The following KIAA0930 variants were observed in gnomAD, a reference collection of about 807,000 sequenced individuals.
The protein encoded by KIAA0930 is KIAA0930.
A neutral mutation model predicts 43.9 loss-of-function variants in KIAA0930; 24 were observed. The ratio of observed to expected loss-of-function variants is 0.55; its 90% CI spans 0.40 to 0.77. KIAA0930 has a LOEUF of 0.77. Ranked by LOEUF, KIAA0930 falls within the 30% of genes least tolerant of loss-of-function variation. The pLI, the probability that KIAA0930 is intolerant of heterozygous loss-of-function variation, is 0.00. For missense variants in KIAA0930, 461 were observed against 574.2 expected (o/e 0.80, Z 2.02); for synonymous variants, 259 against 216.4 (o/e 1.20, Z -1.73).
rs769465989 is a variant in KIAA0930, at chr22:45,200,015, G to A, written c.873C>T (p.Pro291=). ...GCCGGTTGTTCCGTTCTGGGGTGGG[G>A]GGTGTGCTGAAGGAGGTCACCTGGG... The part of the protein sequence containing the change: ...MHERVTSFST[P]PTPERNNRPA... Residue 291 remains proline, a synonymous_variant, in exon 8 of 10, where the codon CCC becomes CCT. Transcript: ENST00000336156. 23 of 1,597,480 alleles carry A rather than the reference G, an allele frequency of 1.4e-5. No individual in the cohort carries two copies. The highest frequency in any genetic ancestry group is 2.3e-5 in the East Asian group (1 of 42,894).
rs142659241 is a variant in KIAA0930 at position 45,225,255 on chromosome 22, C to A, written c.65-13148G>T. Among the ~76,000 whole-genome samples the A allele has an allele frequency of 4.6e-5, 7 of 152,276 alleles. No individual in the cohort carries two copies. The East Asian group carries it at 1.4e-3, about 30-fold the overall frequency. ...TCTCCAGCTGAGGGCCTCCCTCCCT[C>A]GGGGCACAGAAAACAAAGGCACTGT... On this transcript the variant is annotated intron_variant, in intron 1 of 9. Transcript: ENST00000336156.
chr22:45,219,582 GTTTTTTTT>G (rs535482000), intron 1 of KIAA0930, among the ~76,000 whole-genome samples: 7 of 61,218 alleles, frequency 1.1e-4, no homozygotes, highest in East Asian at 5.8e-4. Context: ...AGAGGTGATT[GTTTTTTTT>G]TTTTTTTTTT....
rs371999706 is a variant in KIAA0930 at position 45,203,194 on chromosome 22, G to C, written c.658-10C>G. On this transcript the variant is annotated splice_polypyrimidine_tract_variant and intron_variant, in intron 6 of 9. Transcript: ENST00000336156. The stretch of plus-strand genomic sequence containing the variant: ...GGGCGGCCACGCTCACCTGGGGGCC[G>C]GCGCGGGGCAGCCTGAGTCAGGGAG... 1 of 1,582,914 alleles carries C rather than the reference G, an allele frequency of 6.3e-7. No homozygotes were observed. Among genetic ancestry groups the C allele is most frequent in the African/African-American group, 1.3e-5 (1 of 74,234 alleles).
chr22:45,205,247 G>A lies in KIAA0930; in HGVS notation c.486C>T (p.Asn162=), dbSNP rs943655788. The change falls in exon 5 of 10, where the codon AAC becomes AAT. Residue 162 remains asparagine, a synonymous_variant. Coordinates refer to ENST00000336156, the MANE Select transcript of KIAA0930 (RefSeq NM_001009880.2). ...CGAAGCTGTCAATCATGAAGAAGAT[G>A]TTGGGGTAGCTGATCTTGGACTCCT... ...KGEESKISYP[N]IFFMIDSFEE... is the part of the protein sequence containing the mutation. 3.7e-6 allele frequency: 6 copies of A among 1,613,988 alleles called. No homozygotes were observed. In the African/African-American group the frequency reaches 6.7e-5, roughly 18 times the overall value.
At chr22:45,200,924 C>G (rs2083582673) in intron 7 of KIAA0930, 2 of 483,116 alleles carry the variant, frequency 4.1e-6, no homozygotes, top group South Asian at 3.0e-5. Flanking sequence ...GCCGCTGGAG[C>G]TGGGTCTTGA....
intron 1 of KIAA0930, among the ~76,000 whole-genome samples, chr22:45,224,507 C>T (rs935871219): frequency 1.3e-5 from 2 of 151,946 alleles, no homozygotes; most frequent in Admixed American, 6.6e-5. Context: ...GGGAGACTGC[C>T]CGGCTCCCGC....
At chr22:45,206,162 C>T (rs1469923325) in intron 2 of KIAA0930, among the ~76,000 whole-genome samples, 1 of 152,192 alleles carries the variant, frequency 6.6e-6, no homozygotes, top group African/African-American at 2.4e-5. Context: ...ACCACAGGCA[C>T]GTGCTACCAC....
intron 7 of KIAA0930, 125 bp from the exon 8 acceptor site, chr22:45,200,160 G>A (rs1021964188): frequency 2.1e-5 from 20 of 969,760 alleles, no homozygotes; most frequent in African/African-American, 1.2e-4. Context: ...CGCTGGCCCA[G>A]GAGGACCCAG....
intron 8 of KIAA0930, among the ~76,000 whole-genome samples, chr22:45,198,840 A>G (rs2235153): frequency 0.48 from 72,406 of 151,714 alleles, 18,431 homozygotes; most frequent in African/African-American, 0.67. Context: ...TAGTAGAGAC[A>G]GGGTTTCACC....
intron 1 of KIAA0930, among the ~76,000 whole-genome samples, chr22:45,214,641 G>C (rs1195397402): frequency 6.6e-6 from 1 of 152,186 alleles, no homozygotes; most frequent in Non-Finnish European, 1.5e-5. Context: ...GGGTGAGGTA[G>C]CTCATACCTG....
At position 45,197,173 on chromosome 22, in the gene KIAA0930, C is replaced by G. The variant is rs767156891; in HGVS notation, c.*3G>C. ...CGGGGCTCTGCGCAGGCTCCGCACG[C>G]GGCTAGGTCATCAGGATGGGCTTCT... On this transcript the variant is annotated 3_prime_UTR_variant, in exon 10 of 10. Transcript: ENST00000336156. 3 of 1,548,978 alleles carry G rather than the reference C, an allele frequency of 1.9e-6. No homozygotes were observed. Among genetic ancestry groups the G allele is most frequent in the Non-Finnish European group, 2.6e-6 (3 of 1,145,754 alleles).
Position 45,197,948 on chromosome 22 carries a change from G to C in KIAA0930, c.1016C>G (p.Ala339Gly). ...CAGGTTGGTTGCATTGTGCAGATCG[G>C]CTGGAGGAAAGAAGGCCAGGTCAAG... ...EEFFREDDGG[A>G]DLHNATNLRS... Residue 339 changes from alanine (A) to glycine (G), a missense_variant and splice_region_variant, in exon 9 of 10, where the codon GCC becomes GGC. By Grantham distance (60) the Ala-to-Gly change is moderately conservative. Transcript: ENST00000336156. The C allele has an allele frequency of 1.2e-6, 2 of 1,613,772 alleles. No individual in the cohort carries two copies. The highest frequency in any genetic ancestry group is 1.7e-6 in the Non-Finnish European group (2 of 1,179,828).
intron 2 of KIAA0930, chr22:45,211,480 A>T (rs1252609346): frequency 1.5e-5 from 6 of 402,512 alleles, no homozygotes; most frequent in Non-Finnish European, 2.6e-5. Flanking sequence ...TTGGGACTTC[A>T]CAAGGAGGCT....
chr22:45,208,247 C>G (rs2235161), intron 2 of KIAA0930, among the ~76,000 whole-genome samples: 108,992 of 151,230 alleles, frequency 0.72, 39,349 homozygotes, highest in South Asian at 0.85. Context: ...ACATGACATG[C>G]GGAGAAAGAA....
chr22:45,238,710 G>A (rs568275961), intron 1 of KIAA0930, among the ~76,000 whole-genome samples: 4 of 152,234 alleles, frequency 2.6e-5, no homozygotes, highest in African/African-American at 9.6e-5. Flanking sequence ...TGGCACGTGC[G>A]GGAGGCCTGG....
intron 1 of KIAA0930, among the ~76,000 whole-genome samples, chr22:45,232,665 C>T (rs2083861223): frequency 6.6e-6 from 1 of 152,226 alleles, no homozygotes; most frequent in African/African-American, 2.4e-5. Flanking sequence ...AACTGGGACA[C>T]TGGGAGCAAA....
intron 3 of KIAA0930, 23 bp downstream of exon 3, chr22:45,205,770 G>GGGCCCC: frequency 7.2e-6 from 11 of 1,523,736 alleles, no homozygotes; most frequent in South Asian, 1.1e-5. Context: ...CCAATCCGCA[G>GGGCCCC]CCCCACCCAT....
chr22:45,235,875 C>T (rs1327617339), intron 1 of KIAA0930, among the ~76,000 whole-genome samples: 1 of 152,232 alleles, frequency 6.6e-6, no homozygotes, highest in African/African-American at 2.4e-5. Context: ...GCACCTCCCA[C>T]TAAAGGCCCC....
At chr22:45,215,707 C>T (rs1209360288) in intron 1 of KIAA0930, among the ~76,000 whole-genome samples, 2 of 152,190 alleles carry the variant, frequency 1.3e-5, no homozygotes, top group Non-Finnish European at 2.9e-5. Flanking sequence ...AAGTTGTAGA[C>T]ACAATGATGA....
Sources: gnomAD v4.1 joint callset for allele counts (sites outside exome capture counted in the v4.1 genomes callset) on GRCh38, gnomAD v4.1.1 for gene constraint, MANE v1.5 for transcripts, NCBI Gene and HGNC (gene_info 2026-07-23, HGNC 2026-07-21) for gene names.